Variants in ATP13A3 observed in about 807,000 individuals in gnomAD.
ATP13A3 encodes the protein polyamine-transporting ATPase 13A3.
Under a neutral mutation model 158.1 loss-of-function variants are expected in ATP13A3, and 59 were observed. That is an observed-to-expected ratio of 0.37 (90% CI 0.30 to 0.46). ATP13A3 has a LOEUF of 0.46. Among genes scored for constraint, ATP13A3 ranks in the 20% least tolerant of loss-of-function variants. ATP13A3 has a pLI of 1.00. For missense variants in ATP13A3, 1,166 were observed against 1,525.2 expected (o/e 0.76, Z 3.92); for synonymous variants, 491 against 504.3 (o/e 0.97, Z 0.35).
intron 2 of ATP13A3, among the ~76,000 whole-genome samples, chr3:194,466,142 T>C (rs1719976362): frequency 6.6e-6 from 1 of 151,974 alleles, no homozygotes; most frequent in Non-Finnish European, 1.5e-5. Flanking sequence ...AATTCCAGTA[T>C]CTGAGAGAAG....
chr3:194,483,383 A>C (rs1720834082), intron 2 of ATP13A3, among the ~76,000 whole-genome samples: 1 of 147,818 alleles, frequency 6.8e-6, no homozygotes, highest in African/African-American at 2.5e-5. Flanking sequence ...TCAGTTCAGG[A>C]GTTTGAGACC....
Position 194,429,697 on chromosome 3 carries a change from C to G in ATP13A3, c.2855G>C (p.Ser952Thr). The change falls in exon 27 of 34, where the codon AGT becomes ACT. Residue 952 changes from serine to threonine, a missense_variant. Physicochemically the swap from Ser to Thr is moderately conservative, Grantham distance 58 (BLOSUM62 1). Around this residue, in one of 3 missense-constraint regions of ATP13A3, gnomAD observed 997 missense variants for 1,341.2 expected, o/e 0.74. Transcript: ENST00000645319. ...MALYSIIQYF[S>T]VTLLYSILSN... ...ACTCACAGAATACAGCAGAGTAACA[C>G]TGAAGTACTGGATAATGCTGTACAA... 6.2e-7 allele frequency: 1 copy of G among 1,612,020 alleles called. No individual in the cohort carries two copies. Among genetic ancestry groups the G allele is most frequent in the Non-Finnish European group, 8.5e-7 (1 of 1,178,222 alleles).
intron 11 of ATP13A3, 132 bp downstream of exon 11, chr3:194,450,013 T>G (rs540283682): frequency 7.5e-4 from 730 of 970,678 alleles, no homozygotes; most frequent in Non-Finnish European, 8.7e-4. Context: ...CTCAGAATTT[T>G]AAATCTCCAA....
At chr3:194,489,191 TC>T (rs1461607954), upstream of ATP13A3, among the ~76,000 whole-genome samples, 3 of 152,224 alleles carry the variant, frequency 2.0e-5, no homozygotes, top group African/African-American at 7.2e-5. The surrounding 1 kb of genome is among the most constrained non-coding windows in gnomAD (Gnocchi z 4.1). Context: ...ATGCCTGTAA[TC>T]CCAGCACTTT....
At chr3:194,446,323 C>T (rs1718401615) in intron 14 of ATP13A3, among the ~76,000 whole-genome samples, 1 of 148,384 alleles carries the variant, frequency 6.7e-6, no homozygotes, top group Admixed American at 6.6e-5. Context: ...GGTTTCACTC[C>T]AGGTACTTCA....
chr3:194,446,427 T>C (rs1480885656), intron 14 of ATP13A3, among the ~76,000 whole-genome samples: 1 of 152,192 alleles, frequency 6.6e-6, no homozygotes, highest in Admixed American at 6.5e-5. Context: ...TGCGATACGA[T>C]GGCATCCTGT....
intron 30 of ATP13A3, among the ~76,000 whole-genome samples, chr3:194,421,325 G>A (rs185887173): frequency 0.017 from 2,442 of 146,522 alleles, 71 homozygotes; most frequent in African/African-American, 0.059. Context: ...AGGCCGAGGC[G>A]GGCGGATCAC....
intron 30 of ATP13A3, among the ~76,000 whole-genome samples, chr3:194,421,542 G>A: frequency 8.6e-6 from 1 of 116,508 alleles, no homozygotes. Context: ...GACAGAGCGA[G>A]ACTCCATCTC....
At chr3:194,476,082 G>A (rs1720510811) in intron 2 of ATP13A3, among the ~76,000 whole-genome samples, 1 of 152,146 alleles carries the variant, frequency 6.6e-6, no homozygotes, top group Admixed American at 6.5e-5. Flanking sequence ...AAGGAAAATA[G>A]TGTCTAGATT....
chr3:194,457,201 A>C, intron 6 of ATP13A3, 27 bp from the exon 7 acceptor site: 1 of 1,568,008 alleles, frequency 6.4e-7, no homozygotes, highest in Non-Finnish European at 8.7e-7. Context: ...TTTTTACTTT[A>C]AACAAAGTTT....
rs1237705142 is a variant in ATP13A3, at chr3:194,412,217, G to A, written c.3555C>T (p.Ser1185=). 9.8e-6 allele frequency: 15 copies of A among 1,536,318 alleles called. No individual in the cohort carries two copies. The highest frequency in any genetic ancestry group is 2.4e-5 in the East Asian group (1 of 40,910). The part of the protein sequence containing the change: ...NRDKQGEYRF[S]TTQPPQESVD... ...TTCCAACCTGCGGTGGCTGTGTGGT[G>A]CTGAACCGATACTCTCCTTGTTTGT... Residue 1185 remains serine, a synonymous_variant, in exon 33 of 34, where the codon AGC becomes AGT. Transcript: ENST00000645319.
chr3:194,492,363 T>C (rs1721156369), intron 2 of ATP13A3, among the ~76,000 whole-genome samples: 1 of 152,218 alleles, frequency 6.6e-6, no homozygotes, highest in African/African-American at 2.4e-5. Context: ...GGAATTGGTT[T>C]CAGAACCTCT....
intron 30 of ATP13A3, among the ~76,000 whole-genome samples, chr3:194,421,137 GTATATATATATATATA>G (rs1553796331): frequency 1.4e-4 from 1 of 7,168 alleles, no homozygotes; most frequent in Non-Finnish European, 1.9e-4. Context: ...TATATATATA[GTATATATATATATATA>G]TATATATATA....
At position 194,417,989 on chromosome 3, in the gene ATP13A3, G is replaced by GGAAGGAAGGA. The variant is rs1172020250; in HGVS notation, c.3402+1889_3402+1890insTCCTTCCTTC. Among the ~76,000 whole-genome samples, 746 of 87,864 alleles carry GGAAGGAAGGA rather than the reference G, an allele frequency of 8.5e-3. 16 individuals are homozygous for GGAAGGAAGGA. Among genetic ancestry groups the GGAAGGAAGGA allele is most frequent in the African/African-American group, 0.052 (698 of 13,342 alleles). 57.6% of individuals were successfully genotyped at this position (87,864 alleles called of 152,430 possible). A position where few individuals can be genotyped will look rare whatever the true frequency, so the allele number is the denominator to read the frequency against. Reference sequence around the variant, plus strand: ...GAAGGAAGGAAGGAAGGAAGGAAGGGAGGGAGGGAGGGAGGGAGGAGAGGG... The same window carrying GGAAGGAAGGA: ...GAAGGAAGGAAGGAAGGAAGGAAGGGGAAGGAAGGAAGGGAGGGAGGGAGGGAGGAGAGGG... On this transcript the variant is annotated intron_variant, in intron 31 of 33. Transcript: ENST00000645319.
intron 31 of ATP13A3, among the ~76,000 whole-genome samples, chr3:194,417,180 G>A (rs1715911652): frequency 6.6e-6 from 1 of 152,082 alleles, no homozygotes; most frequent in African/African-American, 2.4e-5. Flanking sequence ...GGGCACAGTG[G>A]CTCACCAAGG....
intron 2 of ATP13A3, among the ~76,000 whole-genome samples, chr3:194,492,460 C>CT (rs35373585): frequency 0.039 from 5,567 of 141,032 alleles, 330 homozygotes; most frequent in African/African-American, 0.13. Context: ...CTCCTGTGTA[C>CT]TTTTTTTTTT....
chr3:194,478,055 A>G (rs1720601760), intron 2 of ATP13A3, among the ~76,000 whole-genome samples: 1 of 152,210 alleles, frequency 6.6e-6, no homozygotes. Context: ...GCTTGACTAG[A>G]AAAAGGTAAA....
Position 194,405,841 on chromosome 3 carries a change from A to G in ATP13A3, c.*78T>C, listed in dbSNP as rs745921952. 4.6e-5 allele frequency: 68 copies of G among 1,473,842 alleles called. No homozygotes were observed. The highest frequency in any genetic ancestry group is 6.4e-5 in the Non-Finnish European group (68 of 1,057,542). 91.3% of individuals were successfully genotyped at this position (1,473,842 alleles called of 1,614,324 possible). ...CATAAACTGAACTAGTGCCATTCTG[A>G]CACACAGGATCAGAAACTCCTAAAA... On this transcript the variant is annotated 3_prime_UTR_variant, in exon 34 of 34. Transcript: ENST00000645319.
intron 2 of ATP13A3, among the ~76,000 whole-genome samples, chr3:194,492,842 GTTGTTA>G (rs1258389329): frequency 6.6e-6 from 1 of 152,102 alleles, no homozygotes; most frequent in African/African-American, 2.4e-5. Context: ...TTTTTATTGT[GTTGTTA>G]TTGTATTTAT....
Sources: gnomAD v4.1 joint callset for allele counts (sites outside exome capture counted in the v4.1 genomes callset) on GRCh38, gnomAD v4.1.1 for gene constraint, gnomAD v4.1.1 regional missense constraint, Gnocchi (gnomAD v3.1) non-coding constraint, MANE v1.5 for transcripts, NCBI Gene and HGNC (gene_info 2026-07-23, HGNC 2026-07-21) for gene names.